STAB2: variants seen among roughly 807,000 people sequenced by gnomAD.
STAB2 encodes stabilin-2.
Under a neutral mutation model 338.1 loss-of-function variants are expected in STAB2, and 288 were observed. The observed-to-expected ratio is 0.85, with a 90% CI of 0.77 to 0.94. STAB2 has a LOEUF of 0.94. Ranked by LOEUF, STAB2 falls within the 40% of genes least tolerant of loss-of-function variation. STAB2 has a pLI of 0.00. For synonymous variants in STAB2, 1,202 were observed against 1,193.3 expected (o/e 1.01, Z -0.15); for missense variants, 3,141 against 3,210.1 (o/e 0.98, Z 0.52).
Position 103,620,467 on chromosome 12 carries a change from G to A in STAB2, c.332-1G>A. On this transcript the variant is annotated splice_acceptor_variant, in intron 3 of 68. Coordinates refer to ENST00000388887, the MANE Select transcript of STAB2 (RefSeq NM_017564.10). LOFTEE classifies it high-confidence loss of function. ...TACATCTGAGCTGTTTGATTCCCTAGAGTGCCCAGGTGGAGCGGGGTCACC... is the reference window on the plus strand; with the variant it reads ...TACATCTGAGCTGTTTGATTCCCTAAAGTGCCCAGGTGGAGCGGGGTCACC... 1 of 1,578,158 alleles carries A rather than the reference G, an allele frequency of 6.3e-7. No homozygotes were observed. Among genetic ancestry groups the A allele is most frequent in the Non-Finnish European group, 8.6e-7 (1 of 1,160,540 alleles).
At chr12:103,656,850 C>A (rs1426824372) in intron 15 of STAB2, among the ~76,000 whole-genome samples, 1 of 150,512 alleles carries the variant, frequency 6.6e-6, no homozygotes, top group Non-Finnish European at 1.5e-5. Context: ...CCGAGCCCGG[C>A]TAATTTTTTG....
chr12:103,662,010 A>G (rs769759072), intron 17 of STAB2, among the ~76,000 whole-genome samples: 1 of 152,172 alleles, frequency 6.6e-6, no homozygotes, highest in Non-Finnish European at 1.5e-5. Flanking sequence ...ATGATCGGGC[A>G]TACATTTTGA....
Position 103,750,568 on chromosome 12 carries a change from T to C in STAB2, c.6439-11T>C, listed in dbSNP as rs759348932. 6.2e-7 allele frequency: 1 copy of C among 1,613,430 alleles called. No individual in the cohort carries two copies. Among genetic ancestry groups the C allele is most frequent in the African/African-American group, 1.3e-5 (1 of 75,038 alleles). ...GGAACTTTTTCATCTCTTCCCACTCTCCCTCCACAGGGCAAGCACAAGTGT... is the reference window on the plus strand; with the variant it reads ...GGAACTTTTTCATCTCTTCCCACTCCCCCTCCACAGGGCAAGCACAAGTGT... On this transcript the variant is annotated splice_polypyrimidine_tract_variant and intron_variant, in intron 59 of 68. Coordinates refer to ENST00000388887, the MANE Select transcript of STAB2 (RefSeq NM_017564.10).
At chr12:103,681,908 C>G (rs1482087093) in intron 25 of STAB2, among the ~76,000 whole-genome samples, 1 of 152,196 alleles carries the variant, frequency 6.6e-6, no homozygotes, top group East Asian at 1.9e-4. Context: ...TATAAGGATA[C>G]TGGTCTTACT....
chr12:103,736,406 C>G (rs543216862), intron 52 of STAB2, among the ~76,000 whole-genome samples: 1 of 152,182 alleles, frequency 6.6e-6, no homozygotes, highest in African/African-American at 2.4e-5. Flanking sequence ...ATCTTATGAC[C>G]AGTATCCCTT....
At chr12:103,690,566 C>G in intron 30 of STAB2, 28 bp downstream of exon 30, 1 of 1,580,252 alleles carries the variant, frequency 6.3e-7, no homozygotes, top group Middle Eastern at 1.7e-4. Context: ...TGTCTGTTTA[C>G]TTGAAACATA....
intron 46 of STAB2, among the ~76,000 whole-genome samples, chr12:103,726,396 C>T (rs928020872): frequency 1.3e-5 from 2 of 152,138 alleles, no homozygotes; most frequent in African/African-American, 2.4e-5. Flanking sequence ...GAAACTGAGG[C>T]GTGAGAATTG....
At chr12:103,591,580 A>G (rs903136223) in intron 2 of STAB2, among the ~76,000 whole-genome samples, 26 of 152,156 alleles carry the variant, frequency 1.7e-4, no homozygotes, top group African/African-American at 6.3e-4. Flanking sequence ...TTTTGCCTGT[A>G]TTTTGAAAAT....
Position 103,740,874 on chromosome 12 carries a change from T to C in STAB2, c.5881+118T>C, listed in dbSNP as rs1190302288. The C allele has an allele frequency of 2.2e-6, 3 of 1,360,338 alleles. No individual in the cohort carries two copies. The African/African-American group carries it at 4.5e-5, about 20-fold the overall frequency. The allele number at this position is 1,360,338 out of a possible 1,614,324, so 84.3% of individuals were successfully genotyped here. A position where few individuals can be genotyped will look rare whatever the true frequency, so the allele number is the denominator to read the frequency against. On this transcript the variant is annotated intron_variant, in intron 55 of 68. Transcript: ENST00000388887. ...ATGGGGGAAACACTGCTAATAATGATTCCCAGACCCCAGAACTCTGAAGAG... is the reference window on the plus strand; with the variant it reads ...ATGGGGGAAACACTGCTAATAATGACTCCCAGACCCCAGAACTCTGAAGAG...
chr12:103,749,872 A>AAAAAG (rs58406423), intron 59 of STAB2, among the ~76,000 whole-genome samples: 2 of 131,572 alleles, frequency 1.5e-5, no homozygotes, highest in African/African-American at 2.9e-5. Flanking sequence ...AAAAAAAAAA[A>AAAAAG]GCTGGTAAGA....
intron 44 of STAB2, among the ~76,000 whole-genome samples, chr12:103,722,003 T>G (rs529298193): frequency 5.9e-5 from 9 of 152,264 alleles, no homozygotes; most frequent in African/African-American, 2.2e-4. Flanking sequence ...AGGTCTGTCT[T>G]TTTGTTGAGT....
intron 38 of STAB2, among the ~76,000 whole-genome samples, chr12:103,708,118 G>A (rs929375656): frequency 6.6e-6 from 1 of 152,160 alleles, no homozygotes; most frequent in Non-Finnish European, 1.5e-5. Context: ...CCAATCAAAG[G>A]AGCCCTGCAT....
At chr12:103,652,827 ATTAT>A (rs1873845929) in intron 12 of STAB2, 122 bp downstream of exon 12, 1 of 1,172,134 alleles carries the variant, frequency 8.5e-7, no homozygotes. Flanking sequence ...TTCCTCATGT[ATTAT>A]TTGTCAAACA....
At chr12:103,713,602 G>A (rs1365351863) in intron 41 of STAB2, 41 bp from the exon 42 acceptor site, 11 of 1,607,948 alleles carry the variant, frequency 6.8e-6, no homozygotes, top group Non-Finnish European at 8.5e-6. Flanking sequence ...AATGGCTTTT[G>A]CCCTTCCCTC....
At chr12:103,641,910 G>A (rs887163558) in intron 9 of STAB2, among the ~76,000 whole-genome samples, 3 of 152,186 alleles carry the variant, frequency 2.0e-5, no homozygotes, top group Non-Finnish European at 4.4e-5. Flanking sequence ...TCAGTCCTCA[G>A]GTAATTTAGT....
At chr12:103,689,016 T>C (rs1177441469) in intron 28 of STAB2, among the ~76,000 whole-genome samples, 2 of 152,206 alleles carry the variant, frequency 1.3e-5, no homozygotes, top group African/African-American at 2.4e-5. Context: ...TTTGGTTTTT[T>C]TTTTTCTTTT....
chr12:103,625,038 A>C (rs1957359973), intron 5 of STAB2, among the ~76,000 whole-genome samples: 1 of 152,164 alleles, frequency 6.6e-6, no homozygotes, highest in Non-Finnish European at 1.5e-5. Flanking sequence ...TCAGTCAACT[A>C]TATAGAAATA....
chr12:103,742,539 G>C lies in STAB2; in HGVS notation c.6016G>C (p.Gly2006Arg). Residue 2006 changes from glycine to arginine, a missense_variant, in exon 56 of 69, where the codon GGG becomes CGG. Transcript: ENST00000388887. ...ACEMCWPGRF[G>R]PDCLPCGCSD... ...TGAGATGTGCTGGCCGGGGAGATTC[G>C]GGCCTGATTGTCTGCGTATGTGGCG... 6.2e-7 allele frequency: 1 copy of C among 1,614,088 alleles called. No homozygotes were observed. The highest frequency in any genetic ancestry group is 8.5e-7 in the Non-Finnish European group (1 of 1,180,008).
intron 63 of STAB2, 75 bp downstream of exon 63, chr12:103,755,793 C>A: frequency 7.1e-7 from 1 of 1,416,364 alleles, no homozygotes; most frequent in South Asian, 1.2e-5. Flanking sequence ...GGGGTGAGGC[C>A]TTAAGCTGAA....
Sources: gnomAD v4.1 joint callset for allele counts (sites outside exome capture counted in the v4.1 genomes callset) on GRCh38, gnomAD v4.1.1 for gene constraint, MANE v1.5 for transcripts, NCBI Gene and HGNC (gene_info 2026-07-23, HGNC 2026-07-21) for gene names.